Variants in CEP290 observed in about 807,000 individuals in gnomAD.
CEP290 encodes the protein centrosomal protein 290, also known as centrosomal protein of 290 kDa.
A neutral mutation model predicts 344.9 loss-of-function variants in CEP290; 317 were observed. That is an observed-to-expected ratio of 0.92 (90% confidence interval 0.84 to 1.01). The LOEUF (loss-of-function observed/expected upper bound fraction) is 1.01, where lower values mean the gene tolerates loss of function less well. CEP290 is among the 50% of genes least tolerant of loss of function. The pLI is 0.00. For synonymous variants in CEP290, 932 were observed against 895.8 expected (o/e 1.04, Z -0.72); for missense variants, 2,754 against 2,761.4 (o/e 1.00, Z 0.06).
intron 45 of CEP290, 85 bp downstream of exon 45, chr12:88,063,893 ACTT>A: frequency 4.5e-6 from 5 of 1,108,212 alleles, no homozygotes; most frequent in Non-Finnish European, 6.3e-6. Context: ...TGCATTTTTG[ACTT>A]CTTAATAAGC....
At chr12:88,052,756 G>C (rs1280054105) in intron 52 of CEP290, among the ~76,000 whole-genome samples, 2 of 151,994 alleles carry the variant, frequency 1.3e-5, no homozygotes, top group Admixed American at 1.3e-4. Flanking sequence ...ATTTACATAA[G>C]AAAACAAGAT....
At position 88,130,529 on chromosome 12, in the gene CEP290, A is replaced by G; in HGVS notation, c.516+16T>C. The G allele has an allele frequency of 1.3e-6, 2 of 1,594,712 alleles. No individual in the cohort carries two copies. The highest frequency in any genetic ancestry group is 1.7e-6 in the Non-Finnish European group (2 of 1,172,446). ...TATTTTAAATTCCCAAGATTTCACC[A>G]CACTTAAAGCCTCACCTTTTTCTTT... is the stretch of plus-strand genomic sequence containing the variant. On this transcript the variant is annotated intron_variant, in intron 8 of 53. Transcript: ENST00000552810.
At chr12:88,079,492 T>C (rs1446622610) in intron 38 of CEP290, among the ~76,000 whole-genome samples, 1 of 152,094 alleles carries the variant, frequency 6.6e-6, no homozygotes, top group Non-Finnish European at 1.5e-5. Flanking sequence ...AATCAAGCTA[T>C]TACAAAAAAC....
intron 18 of CEP290, 69 bp from the exon 19 acceptor site, chr12:88,115,251 T>C (rs1425138901): frequency 1.1e-6 from 1 of 907,892 alleles, no homozygotes; most frequent in Non-Finnish European, 1.7e-6. Context: ...ATTTTCAAGT[T>C]AAGAAAAGTT....
In CEP290 at chr12:88,053,686, G is replaced by T; in HGVS notation, c.7095C>A (p.Asn2365Lys). The change falls in exon 52 of 54, where the codon AAC becomes AAA. Residue 2365 changes from asparagine to lysine, a missense_variant. Coordinates refer to ENST00000552810, the MANE Select transcript of CEP290 (RefSeq NM_025114.4). ...KAELIHQIEANKDQSGAESTI... is the reference protein window; with the variant it reads ...KAELIHQIEAKKDQSGAESTI... ...TGCTTTCAGCTCCACTTTGGTCCTT[G>T]TTAGCTTCTATCTGATGGATTAATT... The T allele has an allele frequency of 6.4e-7, 1 of 1,550,870 alleles. No homozygotes were observed. The highest frequency in any genetic ancestry group is 8.7e-7 in the Non-Finnish European group (1 of 1,144,928).
chr12:88,136,526 AG>A (rs1386978201), intron 6 of CEP290, 116 bp downstream of exon 6: 1 of 988,022 alleles, frequency 1.0e-6, no homozygotes, highest in Non-Finnish European at 1.5e-6. Flanking sequence ...CTTAGAGATA[AG>A]TGTACATCAT....
rs2137251821 is a variant in CEP290, at chr12:88,087,933, C to T, written c.4041G>A (p.Trp1347Ter). The T allele has an allele frequency of 4.3e-6, 5 of 1,168,066 alleles. No homozygotes were observed. The highest frequency in any genetic ancestry group is 5.5e-6 in the Non-Finnish European group (5 of 910,976). 72.4% of individuals were successfully genotyped at this position (1,168,066 alleles called of 1,614,324 possible). A position where few individuals can be genotyped will look rare whatever the true frequency, so the allele number is the denominator to read the frequency against. Reference protein sequence around the residue: ...DTKGAQKVINWHMKIEELRLQ... With the variant: ...DTKGAQKVIN ...GACGAAGTTCTTCTATTTTCATATGCCAGTTGATTACCTAAGATTTACAAT... is the reference window on the plus strand; with the variant it reads ...GACGAAGTTCTTCTATTTTCATATGTCAGTTGATTACCTAAGATTTACAAT... The change falls in exon 32 of 54, where the codon TGG (tryptophan) becomes TGA (stop). Residue 1347 changes from tryptophan (W) to a stop codon, truncating the protein, a stop_gained. Coordinates refer to ENST00000552810, the MANE Select transcript of CEP290 (RefSeq NM_025114.4). LOFTEE classifies it high-confidence loss of function.
At position 88,080,352 on chromosome 12, in the gene CEP290, C is replaced by T. The variant is rs377143954; in HGVS notation, c.5056G>A (p.Glu1686Lys). The T allele has an allele frequency of 8.7e-6, 14 of 1,613,536 alleles. No homozygotes were observed. Among genetic ancestry groups the T allele is most frequent in the Admixed American group, 5.0e-5 (3 of 59,986 alleles). The change falls in exon 38 of 54, where the codon GAA becomes AAA. Residue 1686 changes from glutamate (E) to lysine (K), a missense_variant. Coordinates refer to ENST00000552810, the MANE Select transcript of CEP290 (RefSeq NM_025114.4). ...HEDEVKKVKA[E>K]VEDLKYLLDQ... ...AGAAGATACTTTAAATCCTCTACTTCCGCTTTTACTTTTTTCACTTCATCT... is the reference window on the plus strand; with the variant it reads ...AGAAGATACTTTAAATCCTCTACTTTCGCTTTTACTTTTTTCACTTCATCT...
intron 49 of CEP290, chr12:88,057,776 T>G (rs983447688): frequency 3.3e-5 from 5 of 152,240 alleles, no homozygotes; most frequent in Non-Finnish European, 5.9e-5. Context: ...GCAAGTACAG[T>G]GCAGCAGGCC....
chr12:88,110,175 T>A (rs991727485), intron 22 of CEP290, among the ~76,000 whole-genome samples: 1 of 152,106 alleles, frequency 6.6e-6, no homozygotes. Flanking sequence ...TATATTTTCA[T>A]TGATTCTGAA....
In CEP290 at chr12:88,137,388, T is replaced by C. The variant is rs542769486; in HGVS notation, c.298-602A>G. On this transcript the variant is annotated intron_variant, in intron 5 of 53. Coordinates refer to ENST00000552810, the MANE Select transcript of CEP290 (RefSeq NM_025114.4). Reference sequence around the variant, plus strand: ...CAAGTGGTTAGTGCTAGTGCTACCATATTAAACAGCTCAGGTTTTGGTTAT... The same window carrying C: ...CAAGTGGTTAGTGCTAGTGCTACCACATTAAACAGCTCAGGTTTTGGTTAT... Among the ~76,000 whole-genome samples, 3 of 152,352 alleles carry C rather than the reference T, an allele frequency of 2.0e-5. No individual in the cohort carries two copies. In the East Asian group the frequency reaches 5.8e-4, roughly 29 times the overall value.
intron 20 of CEP290, among the ~76,000 whole-genome samples, chr12:88,112,787 A>G (rs1045379346): frequency 6.6e-6 from 1 of 152,106 alleles, no homozygotes; most frequent in African/African-American, 2.4e-5. Flanking sequence ...ATGCAGAGTA[A>G]TAACTTATAC....
intron 29 of CEP290, among the ~76,000 whole-genome samples, chr12:88,091,902 T>A: frequency 6.6e-6 from 1 of 152,246 alleles, no homozygotes; most frequent in Non-Finnish European, 1.5e-5. Flanking sequence ...ACGGTTTTTT[T>A]GTTTTGTTTT....
At position 88,101,600 on chromosome 12, in the gene CEP290, C is replaced by T. The variant is rs561157638; in HGVS notation, c.2991+1238G>A. ...TCTGGGAGGCAGAGGATGCAGTAAG[C>T]GTTAAGCCGAGATCGTGCCACTGCA... On this transcript the variant is annotated intron_variant, in intron 26 of 53. Coordinates refer to ENST00000552810, the MANE Select transcript of CEP290 (RefSeq NM_025114.4). Among the ~76,000 whole-genome samples the T allele has an allele frequency of 2.3e-3, 337 of 146,796 alleles. 3 individuals carry two copies. The highest frequency in any genetic ancestry group is 0.019 in the Middle Eastern group (5 of 268).
intron 7 of CEP290, 75 bp from the exon 8 acceptor site, chr12:88,130,640 T>A: frequency 7.3e-7 from 1 of 1,364,458 alleles, no homozygotes; most frequent in Non-Finnish European, 9.6e-7. Context: ...AATCAGAAAC[T>A]AAAGAAAACA....
rs1267739576 is a variant in CEP290, at chr12:88,050,439, G to A, written c.7130-6C>T. 1.4e-6 allele frequency: 2 copies of A among 1,454,172 alleles called. No homozygotes were observed. Among genetic ancestry groups the A allele is most frequent in the Non-Finnish European group, 1.9e-6 (2 of 1,051,076 alleles). 90.1% of individuals were successfully genotyped at this position (1,454,172 alleles called of 1,614,324 possible). A position where few individuals can be genotyped will look rare whatever the true frequency, so the allele number is the denominator to read the frequency against. ...TTCCTTTAGTTGATCAGCATCTGTT[G>A]AAAAAGTCATACAAATTAGACTCAG... On this transcript the variant is annotated splice_region_variant and splice_polypyrimidine_tract_variant and intron_variant, in intron 52 of 53. Coordinates refer to ENST00000552810, the MANE Select transcript of CEP290 (RefSeq NM_025114.4).
intron 44 of CEP290, among the ~76,000 whole-genome samples, chr12:88,064,735 T>A (rs2034768597): frequency 6.6e-6 from 1 of 152,136 alleles, no homozygotes; most frequent in African/African-American, 2.4e-5. Flanking sequence ...GGAAAGATCT[T>A]TCCCTCTGAT....
At chr12:88,126,469 C>A (rs750696813) in intron 11 of CEP290, 31 bp from the exon 12 acceptor site, 4 of 1,404,278 alleles carry the variant, frequency 2.8e-6, no homozygotes, top group Non-Finnish European at 9.5e-7. Flanking sequence ...ATCTGTTATG[C>A]AAAAGGAAAG....
At chr12:88,054,498 A>C (rs1444314066) in intron 50 of CEP290, 85 bp from the exon 51 acceptor site, 1 of 1,044,022 alleles carries the variant, frequency 9.6e-7, no homozygotes, top group Non-Finnish European at 1.4e-6. Flanking sequence ...AACAAAGCGT[A>C]ATATTAAAAT....
Sources: allele counts gnomAD v4.1 joint callset (sites outside exome capture counted in the v4.1 genomes callset), GRCh38; gene constraint gnomAD v4.1.1; transcripts MANE v1.5; gene names NCBI Gene and HGNC (gene_info 2026-07-23, HGNC 2026-07-21).